The following METTL15 variants were observed in gnomAD, a reference collection of about 807,000 sequenced individuals.
METTL15 encodes the protein methyltransferase 15, mitochondrial 12S rRNA N4-cytidine, also known as 12S rRNA N(4)-cytidine methyltransferase METTL15.
METTL15 carries 34 observed loss-of-function variants against 38.3 expected under a neutral mutation model. That is an observed-to-expected ratio of 0.89 (90% CI 0.68 to 1.18). The LOEUF is 1.18. Among genes scored for constraint, METTL15 ranks in the 50% most tolerant of loss-of-function variants. The pLI is 0.00. For synonymous variants in METTL15, 162 were observed against 170.9 expected (o/e 0.95, Z 0.41); for missense variants, 438 against 498.4 (o/e 0.88, Z 1.15).
chr11:28,188,455 G>C (rs377766368), intron 3 of METTL15, among the ~76,000 whole-genome samples: 1 of 151,388 alleles, frequency 6.6e-6, no homozygotes, highest in East Asian at 1.9e-4. Context: ...TGAATGAAGA[G>C]TTGATGTAAT....
intron 3 of METTL15, among the ~76,000 whole-genome samples, chr11:28,169,292 C>G (rs1227962232): frequency 6.6e-6 from 1 of 152,148 alleles, no homozygotes; most frequent in East Asian, 1.9e-4. Flanking sequence ...GTTATAAGTA[C>G]TTTGACAACT....
At chr11:28,118,812 AAG>A (rs1256841566) in intron 3 of METTL15, among the ~76,000 whole-genome samples, 1 of 152,214 alleles carries the variant, frequency 6.6e-6, no homozygotes, top group Non-Finnish European at 1.5e-5. Context: ...AAAATAAGGA[AAG>A]AGAACCTATC....
chr11:28,203,812 A>C (rs1852205316), intron 3 of METTL15, among the ~76,000 whole-genome samples: 1 of 152,072 alleles, frequency 6.6e-6, no homozygotes, highest in Admixed American at 6.6e-5. Flanking sequence ...TCTCATTTCA[A>C]ATGTAAAGGA....
At chr11:28,137,547 G>A (rs187119326) in intron 3 of METTL15, among the ~76,000 whole-genome samples, 9 of 152,310 alleles carry the variant, frequency 5.9e-5, no homozygotes, top group Admixed American at 1.3e-4. Flanking sequence ...AGTTAAGGGC[G>A]TGGTTAATTC....
intron 4 of METTL15, among the ~76,000 whole-genome samples, chr11:28,283,738 G>T (rs975623348): frequency 1.3e-5 from 2 of 152,112 alleles, no homozygotes; most frequent in Non-Finnish European, 2.9e-5. Flanking sequence ...CTACTGCTGC[G>T]TCCGTTGACT....
At chr11:28,177,953 A>C (rs191622342) in intron 3 of METTL15, among the ~76,000 whole-genome samples, 134 of 152,144 alleles carry the variant, frequency 8.8e-4, no homozygotes, top group Non-Finnish European at 1.5e-3. Context: ...AATCGAAGAC[A>C]GTTACTCTTA....
chr11:28,118,029 G>GT (rs1852051598), intron 3 of METTL15, among the ~76,000 whole-genome samples: 1 of 151,728 alleles, frequency 6.6e-6, no homozygotes, highest in Non-Finnish European at 1.5e-5. Context: ...TTGAGACGGA[G>GT]TTTCGCTCTG....
chr11:28,122,151 G>T, intron 3 of METTL15: 1 of 1,240,462 alleles, frequency 8.1e-7, no homozygotes, highest in South Asian at 1.4e-5. Flanking sequence ...GAGTCTTGGT[G>T]TGAGGAGTGT....
chr11:28,298,145 A>G (rs1284617355), intron 6 of METTL15, among the ~76,000 whole-genome samples: 2 of 152,020 alleles, frequency 1.3e-5, no homozygotes, highest in African/African-American at 2.4e-5. Context: ...AAAATATTTC[A>G]TATTTTCCCC....
intron 4 of METTL15, among the ~76,000 whole-genome samples, chr11:28,282,036 A>T (rs1448857305): frequency 6.6e-6 from 1 of 152,258 alleles, no homozygotes; most frequent in Admixed American, 6.5e-5. Context: ...GTTTTTAAAA[A>T]GTATTTCTTG....
chr11:28,183,108 G>A (rs1851357476), intron 3 of METTL15, among the ~76,000 whole-genome samples: 1 of 152,156 alleles, frequency 6.6e-6, no homozygotes, highest in Non-Finnish European at 1.5e-5. Context: ...CATTGATTTT[G>A]TATCCTGAGA....
intron 3 of METTL15, among the ~76,000 whole-genome samples, chr11:28,184,215 G>T (rs1851407602): frequency 6.6e-6 from 1 of 151,886 alleles, no homozygotes; most frequent in South Asian, 2.1e-4. Context: ...ACCAGCTTCT[G>T]GATTCGTTGA....
At chr11:28,518,428 A>T (rs990475143) in intron 6 of METTL15, among the ~76,000 whole-genome samples, 1 of 152,200 alleles carries the variant, frequency 6.6e-6, no homozygotes, top group African/African-American at 2.4e-5. Flanking sequence ...CTCTGAAAAG[A>T]ATATCTGGAT....
At chr11:28,232,208 A>T (rs1853714870) in intron 4 of METTL15, among the ~76,000 whole-genome samples, 1 of 151,942 alleles carries the variant, frequency 6.6e-6, no homozygotes, top group African/African-American at 2.4e-5. Flanking sequence ...ATGTTAAGTG[A>T]TAAACCCTGA....
chr11:28,163,462 TC>T (rs1850542488), intron 3 of METTL15: 1 of 398,048 alleles, frequency 2.5e-6, no homozygotes, highest in African/African-American at 2.1e-5. Flanking sequence ...TGTAACTCTC[TC>T]CCCATGCTGT....
At chr11:28,416,748 C>A (rs1417052908) in intron 5 of METTL15, among the ~76,000 whole-genome samples, 1 of 152,168 alleles carries the variant, frequency 6.6e-6, no homozygotes, top group African/African-American at 2.4e-5. Flanking sequence ...TCAGGAGAAA[C>A]AAATTCTTCT....
At chr11:28,138,775 C>T (rs917730207) in intron 3 of METTL15, among the ~76,000 whole-genome samples, 3 of 152,174 alleles carry the variant, frequency 2.0e-5, no homozygotes, top group East Asian at 1.9e-4. Flanking sequence ...CTCCCAAGGA[C>T]GTAAAACAAA....
Position 28,296,750 on chromosome 11 carries a change from T to G in METTL15, c.600-3T>G, listed in dbSNP as rs1365777463. 1 of 1,612,678 alleles carries G rather than the reference T, an allele frequency of 6.2e-7. No individual in the cohort carries two copies. The highest frequency in any genetic ancestry group is 8.5e-7 in the Non-Finnish European group (1 of 1,179,434). ...TGAACTAATTGGCTCTTCTTGTGCGTAGGTACCCTGACATGCCCACTGCTG... is the reference window on the plus strand; with the variant it reads ...TGAACTAATTGGCTCTTCTTGTGCGGAGGTACCCTGACATGCCCACTGCTG... On this transcript the variant is annotated splice_polypyrimidine_tract_variant and splice_region_variant and intron_variant, in intron 5 of 6. Coordinates refer to ENST00000407364, the MANE Select transcript of METTL15 (RefSeq NM_001113528.2).
At chr11:28,378,026 G>A (rs990445249) in intron 5 of METTL15, among the ~76,000 whole-genome samples, 1 of 152,090 alleles carries the variant, frequency 6.6e-6, no homozygotes, top group African/African-American at 2.4e-5. Context: ...CAGATCTCCA[G>A]CTGCGTACTG....
Sources: allele counts gnomAD v4.1 joint callset (sites outside exome capture counted in the v4.1 genomes callset), GRCh38; gene constraint gnomAD v4.1.1; transcripts MANE v1.5; gene names NCBI Gene and HGNC (gene_info 2026-07-23, HGNC 2026-07-21).